The following CCNY variants were observed in gnomAD, a reference collection of about 807,000 sequenced individuals.
The protein encoded by CCNY is cyclin Y.
A neutral mutation model predicts 42.8 loss-of-function variants in CCNY; 19 were observed. The observed-to-expected ratio is 0.44, with a 90% confidence interval of 0.31 to 0.65. The LOEUF is 0.65. CCNY is among the 30% of genes least tolerant of loss of function. CCNY has a pLI of 0.07. For missense variants in CCNY, 370 were observed against 437.3 expected (o/e 0.85, Z 1.37); for synonymous variants, 165 against 162.7 (o/e 1.01, Z -0.11).
chr10:35,462,678 G>A (rs1216743743), intron 1 of CCNY, among the ~76,000 whole-genome samples: 6 of 152,210 alleles, frequency 3.9e-5, no homozygotes, highest in African/African-American at 7.2e-5. Flanking sequence ...GCGGGTGGAG[G>A]GGTCATTCCA....
At chr10:35,273,448 G>GGAGT (rs1309314715) in intron 3 of CCNY, among the ~76,000 whole-genome samples, 9 of 152,064 alleles carry the variant, frequency 5.9e-5, no homozygotes, top group Non-Finnish European at 1.3e-4. Flanking sequence ...CAAGTGATCT[G>GGAGT]CCTGTCTCAG....
chr10:35,313,374 G>C (rs1043515144), intron 3 of CCNY, among the ~76,000 whole-genome samples: 14 of 152,328 alleles, frequency 9.2e-5, no homozygotes, highest in African/African-American at 3.4e-4. Flanking sequence ...AGGATGTACA[G>C]GTAGAGCTGT....
chr10:35,495,251 A>G (rs1019202466), intron 2 of CCNY, among the ~76,000 whole-genome samples: 8 of 152,142 alleles, frequency 5.3e-5, no homozygotes, highest in African/African-American at 1.9e-4. Flanking sequence ...GTATTTTCCA[A>G]ATTTTCTGCA....
intron 4 of CCNY, 68 bp from the exon 5 acceptor site, chr10:35,525,896 T>G: frequency 7.5e-7 from 1 of 1,330,432 alleles, no homozygotes; most frequent in South Asian, 1.3e-5. Flanking sequence ...GTTCAGACTG[T>G]GGCCAGGTAA....
chr10:35,323,229 G>A (rs943588061), intron 3 of CCNY, among the ~76,000 whole-genome samples: 2 of 151,864 alleles, frequency 1.3e-5, no homozygotes, highest in Non-Finnish European at 1.5e-5. Flanking sequence ...GCACTCGGCT[G>A]CCATTTCTTT....
chr10:35,276,327 A>C (rs979311494), intron 3 of CCNY, among the ~76,000 whole-genome samples: 2 of 152,106 alleles, frequency 1.3e-5, no homozygotes, highest in African/African-American at 4.8e-5. Context: ...GGCCTCCATC[A>C]TTTTGGAAGG....
At chr10:35,294,565 T>C (rs1353896224) in intron 3 of CCNY, among the ~76,000 whole-genome samples, 1 of 152,226 alleles carries the variant, frequency 6.6e-6, no homozygotes, top group Non-Finnish European at 1.5e-5. Context: ...ATTACATTAA[T>C]TGATCTTCAG....
intron 4 of CCNY, among the ~76,000 whole-genome samples, chr10:35,519,053 A>G (rs1247655962): frequency 6.7e-6 from 1 of 148,424 alleles, no homozygotes; most frequent in Non-Finnish European, 1.5e-5. Context: ...GCTGAGGTAT[A>G]TTGTGAGTAT....
At chr10:35,488,310 C>T (rs192905433) in intron 2 of CCNY, among the ~76,000 whole-genome samples, 20 of 152,230 alleles carry the variant, frequency 1.3e-4, no homozygotes, top group African/African-American at 3.6e-4. Flanking sequence ...TTTTGGTTAC[C>T]GGGCAGTGTT....
chr10:35,513,825 T>C (rs1208442937), intron 3 of CCNY, among the ~76,000 whole-genome samples: 1 of 152,198 alleles, frequency 6.6e-6, no homozygotes, highest in Non-Finnish European at 1.5e-5. Flanking sequence ...TGTGTGTGCA[T>C]GTGCACGCAC....
At chr10:35,261,239 A>AT (rs58071660) in intron 3 of CCNY, among the ~76,000 whole-genome samples, 1,559 of 132,202 alleles carry the variant, frequency 0.012, 12 homozygotes, top group South Asian at 0.042. Context: ...AAAAAAAAAA[A>AT]TTTTTTTTTT....
intron 2 of CCNY, among the ~76,000 whole-genome samples, chr10:35,499,952 A>G (rs577830358): frequency 7.9e-5 from 12 of 152,394 alleles, no homozygotes; most frequent in African/African-American, 2.4e-4. Flanking sequence ...ATATGTATGT[A>G]TGTATGCCAG....
At chr10:35,408,591 G>T (rs1279204932) in intron 1 of CCNY, among the ~76,000 whole-genome samples, 1 of 151,174 alleles carries the variant, frequency 6.6e-6, no homozygotes, top group South Asian at 2.1e-4. Flanking sequence ...AAAGTATATT[G>T]ATCAGTTAGG....
At chr10:35,499,683 G>A (rs907213288) in intron 2 of CCNY, among the ~76,000 whole-genome samples, 14 of 152,174 alleles carry the variant, frequency 9.2e-5, no homozygotes, top group Non-Finnish European at 1.3e-4. Context: ...CTTAGTATGG[G>A]TGGTGGTTCC....
chr10:35,463,638 G>A (rs974863123), intron 1 of CCNY, among the ~76,000 whole-genome samples: 2 of 152,178 alleles, frequency 1.3e-5, no homozygotes, highest in African/African-American at 4.8e-5. Flanking sequence ...ACAACTGTCA[G>A]GCAGAACTTT....
chr10:35,275,545 C>T (rs1835228108), intron 3 of CCNY, among the ~76,000 whole-genome samples: 3 of 151,568 alleles, frequency 2.0e-5, no homozygotes, highest in Admixed American at 2.0e-4. Context: ...AGGCTGATCA[C>T]GAGGTCAGGA....
chr10:35,355,021 G>A (rs916701300), intron 1 of CCNY, among the ~76,000 whole-genome samples: 3 of 152,192 alleles, frequency 2.0e-5, no homozygotes, highest in Admixed American at 2.0e-4. Context: ...CTAATGGGAA[G>A]AATTTCTGTG....
chr10:35,518,257 T>C (rs1485108718), intron 4 of CCNY, among the ~76,000 whole-genome samples: 5 of 152,214 alleles, frequency 3.3e-5, no homozygotes, highest in African/African-American at 7.2e-5. Flanking sequence ...GTTAGAAATA[T>C]GTTGTCTGTG....
chr10:35,451,649 G>A (rs1171089925), intron 1 of CCNY, among the ~76,000 whole-genome samples: 1 of 151,956 alleles, frequency 6.6e-6, no homozygotes, highest in Non-Finnish European at 1.5e-5. Context: ...TTACCAGGCG[G>A]GTTGAGAATG....
Sources: gnomAD v4.1 joint callset for allele counts (sites outside exome capture counted in the v4.1 genomes callset) on GRCh38, gnomAD v4.1.1 for gene constraint, MANE v1.5 for transcripts, NCBI Gene and HGNC (gene_info 2026-07-23, HGNC 2026-07-21) for gene names.